Variants in NTRK3 observed in about 807,000 individuals in gnomAD.
NTRK3 encodes the protein neurotrophic receptor tyrosine kinase 3, also known as NT-3 growth factor receptor.
In NTRK3, 24 loss-of-function variants were observed where a neutral mutation model predicts 91.7. The ratio of observed to expected loss-of-function variants is 0.26; its 90% CI spans 0.19 to 0.37. The LOEUF is 0.37. Ranked by LOEUF, NTRK3 falls within the 10% of genes least tolerant of loss-of-function variation. The pLI, the probability that NTRK3 is intolerant of heterozygous loss-of-function variation, is 1.00. For synonymous variants in NTRK3, 483 were observed against 404.0 expected, an observed-to-expected ratio of 1.20 and a Z score of -2.34; for missense variants, 880 against 1,068.9, an observed-to-expected ratio of 0.82 and a Z score of 2.46.
At chr15:88,212,049 G>C (rs1597981154) in intron 3 of NTRK3, among the ~76,000 whole-genome samples, 1 of 152,122 alleles carries the variant, frequency 6.6e-6, no homozygotes, top group Non-Finnish European at 1.5e-5. Context: ...AGAATCCAAA[G>C]AAATAAAGGT....
chr15:88,147,571 G>A (rs552409609), intron 5 of NTRK3, among the ~76,000 whole-genome samples, 168 bp from the exon 6 acceptor site: 8 of 150,414 alleles, frequency 5.3e-5, no homozygotes, highest in African/African-American at 1.7e-4. Flanking sequence ...TTAGGCTAGC[G>A]ATACATCTGC....
intron 13 of NTRK3, among the ~76,000 whole-genome samples, chr15:88,058,041 G>A (rs766319863): frequency 2.6e-5 from 4 of 152,166 alleles, no homozygotes; most frequent in African/African-American, 4.8e-5. Context: ...GACAAAGCTC[G>A]CTCTCTCTGG....
intron 13 of NTRK3, among the ~76,000 whole-genome samples, chr15:88,096,257 C>A (rs1403843176): frequency 6.6e-6 from 1 of 152,156 alleles, no homozygotes; most frequent in Non-Finnish European, 1.5e-5. Flanking sequence ...CTCCTCCAGG[C>A]CTTATTACAT....
intron 5 of NTRK3, among the ~76,000 whole-genome samples, chr15:88,165,921 G>C (rs2044894387): frequency 6.6e-6 from 1 of 152,106 alleles, no homozygotes; most frequent in African/African-American, 2.4e-5. Context: ...CTCCAGCTGG[G>C]GACTTGGTTC....
In NTRK3 at chr15:88,241,783, C is replaced by T. The variant is rs540360542; in HGVS notation, c.248+14123G>A. On this transcript the variant is annotated intron_variant, in intron 3 of 18. Transcript: ENST00000394480. The surrounding 1 kb of genome is among the most constrained non-coding windows in gnomAD (Gnocchi z 4.3). Reference sequence around the variant, plus strand: ...ATCCACAGCCCTCTGACTTTTCTGCCGAGAACATGGCCCCGGGAATGGACG... The same window carrying T: ...ATCCACAGCCCTCTGACTTTTCTGCTGAGAACATGGCCCCGGGAATGGACG... Among the ~76,000 whole-genome samples, 1 of 152,164 alleles carries T rather than the reference C, an allele frequency of 6.6e-6. No individual in the cohort carries two copies. The highest frequency in any genetic ancestry group is 1.5e-5 in the Non-Finnish European group (1 of 68,026).
At chr15:88,209,371 A>G (rs951793867) in intron 3 of NTRK3, among the ~76,000 whole-genome samples, 37 of 152,238 alleles carry the variant, frequency 2.4e-4, no homozygotes, top group African/African-American at 8.0e-4. Context: ...AGGTTAATCC[A>G]ATGTGTGTTC....
intron 5 of NTRK3, among the ~76,000 whole-genome samples, chr15:88,182,709 A>T (rs959267791): frequency 2.0e-5 from 3 of 152,092 alleles, no homozygotes; most frequent in African/African-American, 7.2e-5. Flanking sequence ...GCTTCCTTTC[A>T]TGCCCACTTT....
At chr15:87,931,190 G>A (rs989811) in intron 16 of NTRK3, 1 of 517,504 alleles carries the variant, frequency 1.9e-6, no homozygotes, top group Non-Finnish European at 3.9e-6. Context: ...GAGGCACCTA[G>A]GAGCTTTCTT....
chr15:87,991,385 G>C (rs1194410045), intron 14 of NTRK3, among the ~76,000 whole-genome samples: 1 of 152,196 alleles, frequency 6.6e-6, no homozygotes, highest in Non-Finnish European at 1.5e-5. Flanking sequence ...TCTATGCAGA[G>C]TAAAATGTGG....
intron 17 of NTRK3, among the ~76,000 whole-genome samples, chr15:87,916,831 G>A (rs1339424343): frequency 2.7e-5 from 4 of 150,496 alleles, no homozygotes; most frequent in South Asian, 2.1e-4. Flanking sequence ...GTGTGATCTC[G>A]GCTCACTGCA....
intron 13 of NTRK3, among the ~76,000 whole-genome samples, chr15:88,078,799 G>A (rs1033566788): frequency 6.6e-6 from 1 of 152,242 alleles, no homozygotes; most frequent in African/African-American, 2.4e-5. Context: ...GGGAGACACA[G>A]GGCAAAGGTC....
chr15:87,897,109 C>G (rs1301818200), intron 17 of NTRK3, among the ~76,000 whole-genome samples: 8 of 152,082 alleles, frequency 5.3e-5, no homozygotes, highest in Non-Finnish European at 1.2e-4. Context: ...TAGGAAAAAC[C>G]CTTGGAGTCT....
intron 14 of NTRK3, among the ~76,000 whole-genome samples, chr15:88,018,370 G>A (rs1485761127): frequency 6.6e-6 from 1 of 152,222 alleles, no homozygotes; most frequent in Non-Finnish European, 1.5e-5. Context: ...AGGTGGGGGT[G>A]TGGGTGAATT....
chr15:87,986,923 T>C (rs1347621664), intron 14 of NTRK3, among the ~76,000 whole-genome samples: 2 of 151,984 alleles, frequency 1.3e-5, no homozygotes, highest in East Asian at 3.9e-4. Flanking sequence ...CAAATGAGAG[T>C]GTTCCAGTAA....
In NTRK3 at chr15:87,925,595, G is replaced by C. The variant is rs145242073; in HGVS notation, c.2133+3596C>G. 1.1e-3 allele frequency: 238 copies of C among 212,842 alleles called. 5 individuals are homozygous for C. In the East Asian group the frequency reaches 0.016, roughly 14 times the overall value. The allele number at this position is 212,842 out of a possible 1,614,324, so 13.2% of individuals were successfully genotyped here. A position where few individuals can be genotyped will look rare whatever the true frequency, so the allele number is the denominator to read the frequency against. On this transcript the variant is annotated intron_variant, in intron 17 of 18. Transcript: ENST00000394480. ...CTGTCCGGGGGTATCAGCTCATAGA[G>C]AGAATCCTTCACAGTATTCTCGCGA... is the stretch of plus-strand genomic sequence containing the variant.
At chr15:88,132,552 C>G (rs1379655300) in intron 10 of NTRK3, among the ~76,000 whole-genome samples, 1 of 152,202 alleles carries the variant, frequency 6.6e-6, no homozygotes, top group African/African-American at 2.4e-5. Context: ...AGACTGCCTG[C>G]TCTTAGCCTC....
chr15:88,242,799 G>A (rs1249871159), intron 3 of NTRK3, among the ~76,000 whole-genome samples: 1 of 152,242 alleles, frequency 6.6e-6, no homozygotes, highest in African/African-American at 2.4e-5. Flanking sequence ...CAGCAAGGCA[G>A]GCGGCCAGAC....
exon 19 of NTRK3, chr15:87,872,784 C>G (rs2064856987): frequency 4.3e-6 from 1 of 232,552 alleles, no homozygotes; most frequent in Non-Finnish European, 8.5e-6. Context: ...CCTTCCTTAT[C>G]TTTCACTTCA....
At chr15:87,862,041 A>G (rs1346929670) in exon 19 of NTRK3, 1 of 214,758 alleles carries the variant, frequency 4.7e-6, no homozygotes, top group African/African-American at 2.3e-5. Context: ...CTTTTTAAAT[A>G]TGGGAAGGTT....
Sources: allele counts gnomAD v4.1 joint callset (sites outside exome capture counted in the v4.1 genomes callset), GRCh38; gene constraint gnomAD v4.1.1; non-coding constraint Gnocchi (gnomAD v3.1); transcripts MANE v1.5; gene names NCBI Gene and HGNC (gene_info 2026-07-23, HGNC 2026-07-21).